DNAH17: variants seen among roughly 807,000 people sequenced by gnomAD.
DNAH17 encodes the protein dynein axonemal heavy chain 17, also known as axonemal beta dynein heavy chain 17.
In DNAH17, 376 loss-of-function variants were observed where a neutral mutation model predicts 485.6. The observed-to-expected ratio is 0.77, with a 90% CI of 0.71 to 0.84. DNAH17 has a LOEUF of 0.84. Ranked by LOEUF, DNAH17 falls within the 40% of genes least tolerant of loss-of-function variation. The probability of loss-of-function intolerance (pLI) is 0.00; values close to 1 mark genes in which losing one functional copy is unlikely to be tolerated. For missense variants in DNAH17, 6,370 were observed against 5,839.3 expected, an observed-to-expected ratio of 1.09 and a Z score of -2.96; for synonymous variants, 3,031 against 2,405.9, an observed-to-expected ratio of 1.26 and a Z score of -7.60.
intron 74 of DNAH17, among the ~76,000 whole-genome samples, chr17:78,435,591 C>CT (rs1469338522): frequency 6.6e-6 from 1 of 152,220 alleles, no homozygotes; most frequent in African/African-American, 2.4e-5. Flanking sequence ...CGATCCCTGT[C>CT]TGTCGCTGAC....
rs746409528 is a variant in DNAH17, at chr17:78,552,822, A to G, written c.2179-17T>C. On this transcript the variant is annotated splice_polypyrimidine_tract_variant and intron_variant, in intron 14 of 80. Coordinates refer to ENST00000389840, the MANE Select transcript of DNAH17 (RefSeq NM_173628.4). ...AGTCTTTATCTGAAAAACAGAGGTG[A>G]CAGGTTTTGTTCCGAGTCCAACCAG... 1 of 1,576,846 alleles carries G rather than the reference A, an allele frequency of 6.3e-7. No homozygotes were observed. Among genetic ancestry groups the G allele is most frequent in the Non-Finnish European group, 8.7e-7 (1 of 1,146,206 alleles).
chr17:78,520,609 C>T (rs2090909545), intron 25 of DNAH17, among the ~76,000 whole-genome samples: 1 of 152,088 alleles, frequency 6.6e-6, no homozygotes, highest in Non-Finnish European at 1.5e-5. Context: ...AGATGCAACG[C>T]CACTTATTAA....
At chr17:78,478,721 GCCATCATCACCA>G (rs1446447026) in intron 51 of DNAH17, among the ~76,000 whole-genome samples, 12 of 131,720 alleles carry the variant, frequency 9.1e-5, no homozygotes, top group Admixed American at 1.5e-4. Context: ...CACCACTATT[GCCATCATCACCA>G]CCATCATCAC....
intron 54 of DNAH17, among the ~76,000 whole-genome samples, chr17:78,473,363 T>C (rs1384213705): frequency 6.6e-6 from 1 of 151,726 alleles, no homozygotes; most frequent in Non-Finnish European, 1.5e-5. Flanking sequence ...GCTAACACGG[T>C]GAAACCCCGT....
chr17:78,486,525 G>A lies in DNAH17; in HGVS notation c.6819-19C>T, dbSNP rs781077623. 6.9e-6 allele frequency: 11 copies of A among 1,584,622 alleles called. No individual in the cohort carries two copies. Among genetic ancestry groups the A allele is most frequent in the African/African-American group, 2.7e-5 (2 of 74,300 alleles). On this transcript the variant is annotated intron_variant, in intron 44 of 80. Coordinates refer to ENST00000389840, the MANE Select transcript of DNAH17 (RefSeq NM_173628.4). ...CACCACCCTGGGGGTGACAGGAGGCGCCGATGACACAGCCGCTGCTCTGGG... is the reference window on the plus strand; with the variant it reads ...CACCACCCTGGGGGTGACAGGAGGCACCGATGACACAGCCGCTGCTCTGGG...
rs2087911849 is a variant in DNAH17, at chr17:78,458,354, T to C, written c.9977+211A>G. 3 of 579,376 alleles carry C rather than the reference T, an allele frequency of 5.2e-6. No individual in the cohort carries two copies. In the South Asian group the frequency reaches 6.1e-5, roughly 12 times the overall value. 35.9% of individuals were successfully genotyped at this position (579,376 alleles called of 1,614,324 possible). A position where few individuals can be genotyped will look rare whatever the true frequency, so the allele number is the denominator to read the frequency against. On this transcript the variant is annotated intron_variant, in intron 62 of 80. Transcript: ENST00000389840. The stretch of plus-strand genomic sequence containing the variant: ...AGTGTCCCAGGCCAGTGTGGGTTAC[T>C]TGGAACCACGCGACAGGGCATATTT...
At chr17:78,491,781 G>A (rs915540464) in intron 42 of DNAH17, among the ~76,000 whole-genome samples, 1 of 152,140 alleles carries the variant, frequency 6.6e-6, no homozygotes, top group Non-Finnish European at 1.5e-5. Context: ...CTGAGGCCCT[G>A]CCTGTCCTCC....
chr17:78,551,708 A>C (rs2091905821), intron 15 of DNAH17, 70 bp from the exon 16 acceptor site: 4 of 1,488,980 alleles, frequency 2.7e-6, no homozygotes, highest in Non-Finnish European at 3.7e-6. Context: ...TCAAGCTTGT[A>C]ATCTCAGCCC....
chr17:78,572,620 G>A (rs148802868), intron 3 of DNAH17, 81 bp downstream of exon 3: 2 of 1,286,008 alleles, frequency 1.6e-6, no homozygotes, highest in Admixed American at 2.2e-5. Flanking sequence ...TCGGAGTGGG[G>A]TGGAGTGGGG....
chr17:78,491,025 A>C (rs966897246), intron 43 of DNAH17, among the ~76,000 whole-genome samples, 178 bp from the exon 44 acceptor site: 2 of 152,118 alleles, frequency 1.3e-5, no homozygotes, highest in African/African-American at 4.8e-5. Flanking sequence ...GCCTTCCCTG[A>C]ATCCAGCAGC....
At position 78,437,725 on chromosome 17, in the gene DNAH17, A is replaced by C; in HGVS notation, c.11949T>G (p.Ile3983Met). Reference protein sequence around the residue: ...SPETHIIPQGILENAIKITNE... With the variant: ...SPETHIIPQGMLENAIKITNE... The stretch of plus-strand genomic sequence containing the variant: ...TGGTGATCTTGATGGCGTTCTCCAG[A>C]ATGCCCTGGGGGATGATGTGGGTCT... The change falls in exon 74 of 81, where the codon ATT becomes ATG. Residue 3983 changes from isoleucine to methionine, a missense_variant. Transcript: ENST00000389840. The C allele has an allele frequency of 6.2e-7, 1 of 1,612,178 alleles. No individual in the cohort carries two copies. The highest frequency in any genetic ancestry group is 8.5e-7 in the Non-Finnish European group (1 of 1,179,646).
At position 78,563,132 on chromosome 17, in the gene DNAH17, G is replaced by C. The variant is rs79866230; in HGVS notation, c.1570-1152C>G. 8.4e-3 allele frequency among the ~76,000 whole-genome samples: 1,287 copies of C among 152,316 alleles called. 23 individuals carry two copies. Among genetic ancestry groups the C allele is most frequent in the African/African-American group, 0.03 (1,248 of 41,554 alleles). On this transcript the variant is annotated intron_variant, in intron 11 of 80. Coordinates refer to ENST00000389840, the MANE Select transcript of DNAH17 (RefSeq NM_173628.4). Reference sequence around the variant, plus strand: ...CCCCAAGAGTACAGATTTCCCAAATGCAAGATTGCGGCTATTTTTAAGTTA... The same window carrying C: ...CCCCAAGAGTACAGATTTCCCAAATCCAAGATTGCGGCTATTTTTAAGTTA...
chr17:78,513,991 C>T (rs781589998), intron 26 of DNAH17, among the ~76,000 whole-genome samples: 4 of 152,148 alleles, frequency 2.6e-5, no homozygotes, highest in African/African-American at 9.6e-5. Context: ...TCCTGTTAGC[C>T]TTCTGGAGGT....
rs79493321 is a variant in DNAH17, at chr17:78,437,287, G to A, written c.12033+354C>T. Among the ~76,000 whole-genome samples the A allele has an allele frequency of 1.9e-3, 283 of 152,258 alleles. 3 individuals carry two copies. In the East Asian group the frequency reaches 0.041, roughly 22 times the overall value. ...GACCAGCCTCCAGGGAGTACCCCAC[G>A]GAGCTTGGCCCCATTTCCAAGGACC... On this transcript the variant is annotated intron_variant, in intron 74 of 80. Coordinates refer to ENST00000389840, the MANE Select transcript of DNAH17 (RefSeq NM_173628.4).
chr17:78,483,396 G>T (rs1230039308), intron 48 of DNAH17, among the ~76,000 whole-genome samples: 1 of 152,160 alleles, frequency 6.6e-6, no homozygotes, highest in Non-Finnish European at 1.5e-5. Flanking sequence ...TTGGGAGCCC[G>T]AGGCGGGCAG....
chr17:78,458,183 A>G (rs150632188), intron 62 of DNAH17, among the ~76,000 whole-genome samples: 2 of 152,294 alleles, frequency 1.3e-5, no homozygotes, highest in East Asian at 3.9e-4. Flanking sequence ...TTATATCCCT[A>G]GTGGACGACG....
intron 41 of DNAH17, chr17:78,492,996 G>A (rs1437212870): frequency 2.4e-5 from 9 of 375,416 alleles, no homozygotes; most frequent in Middle Eastern, 8.2e-4. Flanking sequence ...GATTACAGGC[G>A]CCCATGACCA....
rs770314546 is a variant in DNAH17 at position 78,455,805 on chromosome 17, G to A, written c.10009C>T (p.Arg3337Cys). Reference sequence around the variant, plus strand: ...AAGTTCTCCACAGACTCAGCCCAGCGGATGTTTTCCGATGCTAATCCCCCG... The same window carrying A: ...AAGTTCTCCACAGACTCAGCCCAGCAGATGTTTTCCGATGCTAATCCCCCG... Reference protein sequence around the residue: ...LVGGLASENIRWAESVENFRS... With the variant: ...LVGGLASENICWAESVENFRS... Residue 3337 changes from arginine to cysteine, a missense_variant, in exon 63 of 81, where the codon CGC becomes TGC. Transcript: ENST00000389840. The A allele has an allele frequency of 1.4e-5, 22 of 1,607,734 alleles. No homozygotes were observed. The highest frequency in any genetic ancestry group is 8.6e-5 in the Admixed American group (5 of 58,460).
rs1403955667 is a variant in DNAH17, at chr17:78,569,543, G to A, written c.1045-16C>T. On this transcript the variant is annotated splice_polypyrimidine_tract_variant and intron_variant, in intron 7 of 80. Transcript: ENST00000389840. Reference sequence around the variant, plus strand: ...AGGTTCGTGTCTGGGCAAAAGAGAAGACAGACATCTAAAGCTCCGACAAGC... The same window carrying A: ...AGGTTCGTGTCTGGGCAAAAGAGAAAACAGACATCTAAAGCTCCGACAAGC... 6 of 1,596,396 alleles carry A rather than the reference G, an allele frequency of 3.8e-6. No homozygotes were observed. Among genetic ancestry groups the A allele is most frequent in the South Asian group, 1.1e-5 (1 of 88,166 alleles).
Sources: gnomAD v4.1 joint callset for allele counts (sites outside exome capture counted in the v4.1 genomes callset) on GRCh38, gnomAD v4.1.1 for gene constraint, MANE v1.5 for transcripts, NCBI Gene and HGNC (gene_info 2026-07-23, HGNC 2026-07-21) for gene names.